CLMN: variants seen among roughly 807,000 people sequenced by gnomAD.
CLMN encodes the protein calmin (calponin-like, transmembrane).
Under a neutral mutation model 92.7 loss-of-function variants are expected in CLMN, and 57 were observed. The ratio of observed to expected loss-of-function variants is 0.61; its 90% CI spans 0.50 to 0.77. The LOEUF is 0.77. Ranked by LOEUF, CLMN falls within the 30% of genes least tolerant of loss-of-function variation. The pLI is 0.00. For missense variants in CLMN, 1,158 were observed against 1,237.5 expected, an observed-to-expected ratio of 0.94 and a Z score of 0.96; for synonymous variants, 466 against 470.6, an observed-to-expected ratio of 0.99 and a Z score of 0.13.
intron 9 of CLMN, among the ~76,000 whole-genome samples, chr14:95,199,524 A>C (rs1896817311): frequency 6.6e-6 from 1 of 152,022 alleles, no homozygotes; most frequent in African/African-American, 2.4e-5. Flanking sequence ...TGCCCCCGAA[A>C]CCATCGTGTA....
chr14:95,210,449 T>C (rs916391896), intron 7 of CLMN, among the ~76,000 whole-genome samples: 14 of 152,116 alleles, frequency 9.2e-5, no homozygotes, highest in African/African-American at 3.4e-4. Context: ...TATGATATAA[T>C]GTTAAATAAA....
chr14:95,192,270 C>A (rs1286650794), intron 12 of CLMN: 1 of 152,260 alleles, frequency 6.6e-6, no homozygotes, highest in Non-Finnish European at 1.5e-5. Flanking sequence ...CTCCCATTCC[C>A]CACAGTTTTG....
chr14:95,189,368 T>A lies in CLMN; in HGVS notation c.*2196A>T, dbSNP rs962114058. 3.3e-5 allele frequency: 5 copies of A among 152,236 alleles called. No individual in the cohort carries two copies. Among genetic ancestry groups the A allele is most frequent in the East Asian group, 1.9e-4 (1 of 5,198 alleles). The allele number at this position is 152,236 out of a possible 1,614,324, so 9.4% of individuals were successfully genotyped here. A position where few individuals can be genotyped will look rare whatever the true frequency, so the allele number is the denominator to read the frequency against. ...TGTATTTCTTTTAATTTAAAAAAAA[T>A]TTACAAGCAATGGGGTGGTTTGTCC... On this transcript the variant is annotated 3_prime_UTR_variant, in exon 13 of 13. Transcript: ENST00000298912.
At chr14:95,281,307 A>C (rs1900137066) in intron 1 of CLMN, among the ~76,000 whole-genome samples, 1 of 152,246 alleles carries the variant, frequency 6.6e-6, no homozygotes, top group African/African-American at 2.4e-5. Context: ...AAAGAAGGCT[A>C]TATGGCAAAT....
At position 95,194,236 on chromosome 14, in the gene CLMN, G is replaced by A; in HGVS notation, c.2769+300C>T. On this transcript the variant is annotated intron_variant, in intron 11 of 12. Transcript: ENST00000298912. The surrounding 1 kb of genome is among the most constrained non-coding windows in gnomAD (Gnocchi z 4.0). ...GGACCTTGACTCATGTTGCACCTCT[G>A]TCTCTGAACGTGATCCTTCTGGGTG... is the stretch of plus-strand genomic sequence containing the variant. 2 of 1,391,204 alleles carry A rather than the reference G, an allele frequency of 1.4e-6. No homozygotes were observed. Among genetic ancestry groups the A allele is most frequent in the Middle Eastern group, 2.7e-4 (1 of 3,744 alleles). 86.2% of individuals were successfully genotyped at this position (1,391,204 alleles called of 1,614,324 possible).
chr14:95,308,186 A>G (rs1026630314), intron 1 of CLMN, among the ~76,000 whole-genome samples: 1 of 152,230 alleles, frequency 6.6e-6, no homozygotes, highest in African/African-American at 2.4e-5. Flanking sequence ...TCTTCAGTCA[A>G]GAAGTCAGCC....
intron 1 of CLMN, among the ~76,000 whole-genome samples, chr14:95,310,579 A>G (rs1901492683): frequency 6.6e-6 from 1 of 152,196 alleles, no homozygotes; most frequent in African/African-American, 2.4e-5. Context: ...CCAGCCTACA[A>G]CGCTTCTAAA....
rs976004632 is a variant in CLMN, at chr14:95,215,654, A to T, written c.404T>A (p.Ile135Asn). The T allele has an allele frequency of 6.2e-7, 1 of 1,613,706 alleles. No individual in the cohort carries two copies. Reference protein sequence around the residue: ...SLVLGLIWNIILFFQIKELTG... With the variant: ...SLVLGLIWNINLFFQIKELTG... The stretch of plus-strand genomic sequence containing the variant: ...AAATGATCTTACCTGGAAGAAGAGG[A>T]TTATGTTCCATATCAGCCCAAGAAC... Residue 135 changes from isoleucine (I) to asparagine (N), a missense_variant, in exon 5 of 13, where the codon ATC becomes AAC. By Grantham distance (149) the Ile-to-Asn change is moderately radical. Transcript: ENST00000298912.
At chr14:95,305,336 C>G (rs1299911449) in intron 1 of CLMN, among the ~76,000 whole-genome samples, 1 of 152,244 alleles carries the variant, frequency 6.6e-6, no homozygotes, top group African/African-American at 2.4e-5. Flanking sequence ...ACTGTGTGAG[C>G]CACCACTCAA....
intron 1 of CLMN, among the ~76,000 whole-genome samples, chr14:95,275,134 G>A (rs1306607086): frequency 6.6e-6 from 1 of 152,050 alleles, no homozygotes; most frequent in Admixed American, 6.5e-5. Context: ...GGGCACTTGC[G>A]GTCTCGTATG....
intron 1 of CLMN, among the ~76,000 whole-genome samples, chr14:95,314,084 C>T (rs993800974): frequency 3.9e-5 from 6 of 152,086 alleles, no homozygotes; most frequent in Admixed American, 6.5e-5. Flanking sequence ...CTTCCCTCTC[C>T]CTGCTGCAAA....
intron 1 of CLMN, among the ~76,000 whole-genome samples, chr14:95,283,453 A>G (rs1900217320): frequency 6.6e-6 from 1 of 152,222 alleles, no homozygotes; most frequent in Non-Finnish European, 1.5e-5. Flanking sequence ...AAAAACGTGG[A>G]AGCGACTTTG....
At chr14:95,268,074 A>T (rs1468265617) in intron 1 of CLMN, among the ~76,000 whole-genome samples, 3 of 152,210 alleles carry the variant, frequency 2.0e-5, no homozygotes. Flanking sequence ...ATTCCGTTGG[A>T]TAAAAGGAAT....
rs183054379 is a variant in CLMN at position 95,278,209 on chromosome 14, T to G, written c.82+41502A>C. On this transcript the variant is annotated intron_variant, in intron 1 of 12. Coordinates refer to ENST00000298912, the MANE Select transcript of CLMN (RefSeq NM_024734.4). The stretch of plus-strand genomic sequence containing the variant: ...TATTGGTTTCACCTGGGAGGTTACC[T>G]TTGCAAAAGTTCAAAAGCCAGCAAT... Among the ~76,000 whole-genome samples the G allele has an allele frequency of 3.3e-3, 504 of 152,326 alleles. 4 individuals carry two copies. Among genetic ancestry groups the G allele is most frequent in the Non-Finnish European group, 3.8e-3 (259 of 68,024 alleles).
At chr14:95,295,055 G>A (rs1900747949) in intron 1 of CLMN, among the ~76,000 whole-genome samples, 1 of 152,194 alleles carries the variant, frequency 6.6e-6, no homozygotes, top group Non-Finnish European at 1.5e-5. Context: ...CCTTGCTGGT[G>A]GCCTTTTCCT....
intron 1 of CLMN, among the ~76,000 whole-genome samples, chr14:95,308,085 C>T (rs1051014103): frequency 1.3e-5 from 2 of 152,180 alleles, no homozygotes; most frequent in African/African-American, 4.8e-5. Context: ...CTCACTTCTG[C>T]CATCATTCAA....
intron 1 of CLMN, among the ~76,000 whole-genome samples, chr14:95,253,699 G>A (rs967808517): frequency 2.7e-5 from 4 of 150,414 alleles, no homozygotes; most frequent in Non-Finnish European, 3.0e-5. Context: ...TGCAAGCTCC[G>A]CCTCCCGGGT....
intron 1 of CLMN, among the ~76,000 whole-genome samples, chr14:95,255,853 GCTGCACT>G (rs1898977929): frequency 6.6e-6 from 1 of 152,146 alleles, no homozygotes; most frequent in Non-Finnish European, 1.5e-5. Flanking sequence ...GTTTTTGAGT[GCTGCACT>G]CCAGTGTTAT....
chr14:95,245,818 G>A (rs920972311), intron 1 of CLMN, among the ~76,000 whole-genome samples: 6 of 150,390 alleles, frequency 4.0e-5, no homozygotes, highest in Admixed American at 6.6e-5. Flanking sequence ...ATGGATGGAC[G>A]GATGGATGGA....
Sources: gnomAD v4.1 joint callset for allele counts (sites outside exome capture counted in the v4.1 genomes callset) on GRCh38, gnomAD v4.1.1 for gene constraint, Gnocchi (gnomAD v3.1) non-coding constraint, MANE v1.5 for transcripts, NCBI Gene and HGNC (gene_info 2026-07-23, HGNC 2026-07-21) for gene names.